DLGAP2: variants seen among roughly 807,000 people sequenced by gnomAD.
DLGAP2 encodes the protein DLG associated protein 2, also known as disks large-associated protein 2.
In DLGAP2, 26 loss-of-function variants were observed where a neutral mutation model predicts 100.3. The ratio of observed to expected loss-of-function variants is 0.26; its 90% CI spans 0.19 to 0.36. The LOEUF (loss-of-function observed/expected upper bound fraction) is 0.36. Among genes scored for constraint, DLGAP2 ranks in the 10% least tolerant of loss-of-function variants. The probability of loss-of-function intolerance (pLI) is 1.00; values close to 1 mark genes in which losing one functional copy is unlikely to be tolerated. For missense variants in DLGAP2, 1,858 were observed against 1,453.2 expected (o/e 1.28, Z -4.53); for synonymous variants, 886 against 630.1 (o/e 1.41, Z -6.08).
chr8:880,360 A>T (rs1343719664), intron 1 of DLGAP2, among the ~76,000 whole-genome samples: 2 of 152,142 alleles, frequency 1.3e-5, no homozygotes, highest in African/African-American at 4.8e-5. Flanking sequence ...GAGACACCAT[A>T]AATCATTCCC....
At chr8:1,522,248 C>T (rs1432953373) in intron 4 of DLGAP2, among the ~76,000 whole-genome samples, 1 of 152,244 alleles carries the variant, frequency 6.6e-6, no homozygotes, top group African/African-American at 2.4e-5. Flanking sequence ...CACCAGCATC[C>T]TGCCGTATAA....
At chr8:1,220,070 T>G (rs971271444) in intron 2 of DLGAP2, among the ~76,000 whole-genome samples, 1 of 152,142 alleles carries the variant, frequency 6.6e-6, no homozygotes, top group Non-Finnish European at 1.5e-5. Flanking sequence ...AACTTATGGT[T>G]TTGTTGATGT....
chr8:948,207 T>A (rs1799380942), intron 2 of DLGAP2, among the ~76,000 whole-genome samples: 2 of 152,186 alleles, frequency 1.3e-5, no homozygotes, highest in Admixed American at 6.5e-5. Flanking sequence ...GAGAAGATCT[T>A]TCACTTTGAT....
At chr8:1,048,102 C>G (rs1336982098) in intron 2 of DLGAP2, among the ~76,000 whole-genome samples, 1 of 152,112 alleles carries the variant, frequency 6.6e-6, no homozygotes, top group Non-Finnish European at 1.5e-5. Context: ...AGTATTTGAC[C>G]TTGTGAGAGT....
chr8:1,457,975 CAT>C (rs57897392), intron 3 of DLGAP2, among the ~76,000 whole-genome samples: 3,059 of 107,386 alleles, frequency 0.028, 41 homozygotes, highest in African/African-American at 0.048. Context: ...GTTCTCTGAT[CAT>C]ATATATATAT....
At chr8:1,483,768 C>T (rs1238116286) in intron 3 of DLGAP2, among the ~76,000 whole-genome samples, 48 of 80,010 alleles carry the variant, frequency 6.0e-4, no homozygotes, top group Middle Eastern at 7.6e-3. Flanking sequence ...ATGTGCAGGA[C>T]ATGGGGACCA....
intron 10 of DLGAP2, among the ~76,000 whole-genome samples, chr8:1,674,178 C>A (rs73547752): frequency 6.6e-6 from 1 of 152,134 alleles, no homozygotes; most frequent in Non-Finnish European, 1.5e-5. Context: ...CTCAGCCTCC[C>A]GAGTAGCTTG....
intron 4 of DLGAP2, among the ~76,000 whole-genome samples, chr8:1,507,631 A>T: frequency 6.6e-6 from 1 of 152,110 alleles, no homozygotes; most frequent in Non-Finnish European, 1.5e-5. Context: ...AGGCGCCGGG[A>T]GTGAGTGAGG....
intron 3 of DLGAP2, among the ~76,000 whole-genome samples, chr8:1,364,509 G>GC (rs984557391): frequency 8.5e-4 from 126 of 148,572 alleles, no homozygotes; most frequent in Middle Eastern, 3.4e-3. Context: ...GGGCGGGGGG[G>GC]GTGCAGCGAA....
chr8:1,067,559 G>A (rs1461858399), intron 2 of DLGAP2, among the ~76,000 whole-genome samples: 1 of 151,600 alleles, frequency 6.6e-6, no homozygotes, highest in Non-Finnish European at 1.5e-5. Context: ...CCATTTCCAT[G>A]CCCATTTTCC....
In DLGAP2 at chr8:1,273,352, G is replaced by A. The variant is rs114259935; in HGVS notation, c.106+14469G>A. On this transcript the variant is annotated intron_variant, in intron 3 of 14. Transcript: ENST00000637795. Reference sequence around the variant, plus strand: ...AGTCCCTGTTGCCAGCTGAGCATTTGCTTGGGAGCATGAGGCACAGCTCAC... The same window carrying A: ...AGTCCCTGTTGCCAGCTGAGCATTTACTTGGGAGCATGAGGCACAGCTCAC... Among the ~76,000 whole-genome samples the A allele has an allele frequency of 2.7e-3, 405 of 152,294 alleles. 1 individual carries two copies. The highest frequency in any genetic ancestry group is 9.5e-3 in the African/African-American group (393 of 41,564).
chr8:1,085,796 T>C (rs1463834728), intron 2 of DLGAP2, among the ~76,000 whole-genome samples: 1 of 152,222 alleles, frequency 6.6e-6, no homozygotes, highest in African/African-American at 2.4e-5. Context: ...TTTTTCTGTA[T>C]CTACAAGGAA....
intron 3 of DLGAP2, among the ~76,000 whole-genome samples, chr8:1,493,279 C>T (rs1281162350): frequency 2.0e-5 from 3 of 152,302 alleles, no homozygotes; most frequent in African/African-American, 7.2e-5. Flanking sequence ...TGAGACACGC[C>T]TCTGTGGACG....
In DLGAP2 at chr8:1,548,817, C is replaced by A; in HGVS notation, c.364C>A (p.Leu122Met). 1 of 1,581,058 alleles carries A rather than the reference C, an allele frequency of 6.3e-7. No individual in the cohort carries two copies. Residue 122 changes from leucine (L) to methionine (M), a missense_variant, in exon 5 of 15, where the codon CTG becomes ATG. Leu to Met is a conservative substitution (Grantham distance 15). Transcript: ENST00000637795. ...HGPDARPPYL[L>M]SPADSCPGGR... is the part of the protein sequence containing the mutation. ...GCCCGACGCGCGGCCGCCCTACCTG[C>A]TGAGCCCCGCCGACAGCTGCCCCGG...
intron 4 of DLGAP2, among the ~76,000 whole-genome samples, chr8:1,512,893 G>A (rs143206353): frequency 6.6e-6 from 1 of 152,252 alleles, no homozygotes; most frequent in African/African-American, 2.4e-5. Flanking sequence ...GGTCATGGTC[G>A]CACCGCCACC....
intron 4 of DLGAP2, among the ~76,000 whole-genome samples, chr8:1,538,211 T>G (rs1441484326): frequency 3.3e-5 from 5 of 152,128 alleles, no homozygotes; most frequent in Non-Finnish European, 7.4e-5. Context: ...TCATTCTCAA[T>G]TCTCTCTTCT....
chr8:1,215,875 GTCCAGGTACCTCC>G (rs1798202076), intron 2 of DLGAP2, among the ~76,000 whole-genome samples: 1 of 144,448 alleles, frequency 6.9e-6, no homozygotes, highest in African/African-American at 2.7e-5. Flanking sequence ...ACCTGGAGAC[GTCCAGGTACCTCC>G]ATGGGTTCAT....
chr8:950,649 T>C (rs1799456098), intron 2 of DLGAP2, among the ~76,000 whole-genome samples: 1 of 145,310 alleles, frequency 6.9e-6, no homozygotes, highest in Admixed American at 7.1e-5. Flanking sequence ...TGAGATGGAG[T>C]CTCGCTCTGT....
At chr8:1,598,077 G>A (rs183183688) in intron 6 of DLGAP2, among the ~76,000 whole-genome samples, 1 of 152,318 alleles carries the variant, frequency 6.6e-6, no homozygotes, top group Non-Finnish European at 1.5e-5. Flanking sequence ...GCATGAAGCA[G>A]TGTCGAATTT....
Sources: allele counts gnomAD v4.1 joint callset (sites outside exome capture counted in the v4.1 genomes callset), GRCh38; gene constraint gnomAD v4.1.1; transcripts MANE v1.5; gene names NCBI Gene and HGNC (gene_info 2026-07-23, HGNC 2026-07-21).